Variants in PCSK6 observed in about 807,000 individuals in gnomAD.
The protein encoded by PCSK6 is paired basic amino acid cleaving enzyme 4.
In PCSK6, 85 loss-of-function variants were observed where a neutral mutation model predicts 123.3. The observed-to-expected ratio is 0.69, with a 90% CI of 0.58 to 0.83. The LOEUF is 0.83. PCSK6 is among the 40% of genes least tolerant of loss of function. The pLI is 0.00. For synonymous variants in PCSK6, 508 were observed against 516.0 expected, an observed-to-expected ratio of 0.98 and a Z score of 0.21; for missense variants, 1,191 against 1,282.3, an observed-to-expected ratio of 0.93 and a Z score of 1.09.
intron 10 of PCSK6, among the ~76,000 whole-genome samples, 163 bp from the exon 11 acceptor site, chr15:101,382,372 C>T (rs1227181420): frequency 6.6e-6 from 1 of 152,192 alleles, no homozygotes; most frequent in Non-Finnish European, 1.5e-5. Context: ...GAGGGCTGCT[C>T]AAAGGTCCCA....
intron 13 of PCSK6, among the ~76,000 whole-genome samples, chr15:101,342,671 G>A (rs1289396317): frequency 6.6e-6 from 1 of 152,206 alleles, no homozygotes; most frequent in Admixed American, 6.5e-5. Context: ...GGAGGCTGAG[G>A]CGGGTGGATC....
In PCSK6 at chr15:101,350,777, G is replaced by A. The variant is rs112798213; in HGVS notation, c.1858+15419C>T. Among the ~76,000 whole-genome samples, 26 of 152,222 alleles carry A rather than the reference G, an allele frequency of 1.7e-4. No homozygotes were observed. In the East Asian group the frequency reaches 2.1e-3, roughly 12 times the overall value. ...TGAGCCTTGGTCCTGCAATGAATAC[G>A]CTCCCCTTAAAGTGTGCTTGTCCCA... is the stretch of plus-strand genomic sequence containing the variant. On this transcript the variant is annotated intron_variant, in intron 13 of 21. Coordinates refer to ENST00000611716, the MANE Select transcript of PCSK6 (RefSeq NM_002570.5).
At chr15:101,346,266 G>C (rs1271830682) in intron 13 of PCSK6, 1 of 152,156 alleles carries the variant, frequency 6.6e-6, no homozygotes, top group Non-Finnish European at 1.5e-5. Flanking sequence ...TAAGCTGTCC[G>C]CTCATAATAG....
chr15:101,431,218 G>A, intron 4 of PCSK6, 102 bp downstream of exon 4: 2 of 1,205,526 alleles, frequency 1.7e-6, no homozygotes, highest in South Asian at 1.4e-5. Flanking sequence ...TAACTTAATG[G>A]GGGCTGGGGG....
rs1376363621 is a variant in PCSK6 at position 101,403,283 on chromosome 15, A to T, written c.824-4707T>A. Among the ~76,000 whole-genome samples, 285 of 63,264 alleles carry T rather than the reference A, an allele frequency of 4.5e-3. 2 individuals carry two copies. Among genetic ancestry groups the T allele is most frequent in the African/African-American group, 0.018 (269 of 15,020 alleles). 41.5% of individuals were successfully genotyped at this position (63,264 alleles called of 152,430 possible). A position where few individuals can be genotyped will look rare whatever the true frequency, so the allele number is the denominator to read the frequency against. On this transcript the variant is annotated intron_variant, in intron 6 of 21. Transcript: ENST00000611716. Reference sequence around the variant, plus strand: ...CTGGGGACTGTTGTGGGGTGGGGGGAGGGGGGAGGGATAGCATTAGGAGAT... The same window carrying T: ...CTGGGGACTGTTGTGGGGTGGGGGGTGGGGGGAGGGATAGCATTAGGAGAT...
chr15:101,387,122 G>A (rs757066346), intron 9 of PCSK6, among the ~76,000 whole-genome samples: 4 of 152,268 alleles, frequency 2.6e-5, no homozygotes, highest in Non-Finnish European at 5.9e-5. Flanking sequence ...CTCCCCGTCC[G>A]TGTCCAGTGG....
intron 21 of PCSK6, among the ~76,000 whole-genome samples, chr15:101,306,448 A>T (rs1253004187): frequency 6.6e-6 from 1 of 152,006 alleles, no homozygotes; most frequent in Non-Finnish European, 1.5e-5. Context: ...CCAGCTTCAT[A>T]CCCAAGGACC....
intron 4 of PCSK6, 120 bp from the exon 5 acceptor site, chr15:101,430,183 C>T: frequency 1.4e-6 from 1 of 726,912 alleles, no homozygotes; most frequent in Non-Finnish European, 2.5e-6. Flanking sequence ...CTTACTATAG[C>T]TATAATCTCA....
rs11857154 is a variant in PCSK6, at chr15:101,345,762, G to A, written c.1859-13731C>T. ...GGCTCACTGCAACCTCCGCCTCCCGGGTTCAAGTGATTCTCCTGCCTCAGC... is the reference window on the plus strand; with the variant it reads ...GGCTCACTGCAACCTCCGCCTCCCGAGTTCAAGTGATTCTCCTGCCTCAGC... On this transcript the variant is annotated intron_variant, in intron 13 of 21. Transcript: ENST00000611716. Among the ~76,000 whole-genome samples, 1,365 of 152,286 alleles carry A rather than the reference G, an allele frequency of 9.0e-3. 17 individuals are homozygous for A. The highest frequency in any genetic ancestry group is 0.031 in the African/African-American group (1,296 of 41,566).
intron 12 of PCSK6, among the ~76,000 whole-genome samples, chr15:101,369,395 A>G (rs1329033255): frequency 6.6e-6 from 1 of 152,202 alleles, no homozygotes. Context: ...CCTATAGCCT[A>G]CACAAGGGCC....
intron 13 of PCSK6, among the ~76,000 whole-genome samples, chr15:101,352,137 A>AAT (rs2040907151): frequency 1.0e-5 from 1 of 97,012 alleles, no homozygotes; most frequent in African/African-American, 4.4e-5. Flanking sequence ...TATTTTTCTA[A>AAT]TTTTTTTTTT....
chr15:101,352,850 T>A (rs1249814740), intron 13 of PCSK6, among the ~76,000 whole-genome samples: 1 of 152,228 alleles, frequency 6.6e-6, no homozygotes, highest in Non-Finnish European at 1.5e-5. Context: ...GATATCTCAG[T>A]GATACTGAAT....
At chr15:101,367,453 A>T (rs2041433858) in intron 12 of PCSK6, among the ~76,000 whole-genome samples, 1 of 152,358 alleles carries the variant, frequency 6.6e-6, no homozygotes, top group African/African-American at 2.4e-5. Flanking sequence ...TCAATGTAGG[A>T]AAATGTTTAT....
intron 1 of PCSK6, among the ~76,000 whole-genome samples, chr15:101,466,505 T>C (rs917808177): frequency 6.6e-6 from 1 of 152,138 alleles, no homozygotes; most frequent in African/African-American, 2.4e-5. Context: ...ATAAGCTCCC[T>C]AGAAAGGTAA....
chr15:101,305,349 T>C lies in PCSK6; in HGVS notation c.2819A>G (p.Glu940Gly), dbSNP rs375886040. The C allele has an allele frequency of 2.7e-4, 430 of 1,611,834 alleles. No individual in the cohort carries two copies. The highest frequency in any genetic ancestry group is 3.6e-4 in the Non-Finnish European group (422 of 1,179,676). Reference protein sequence around the residue: ...ITNHTCSNADETFCEMVKSNR... With the variant: ...ITNHTCSNADGTFCEMVKSNR... ...GGACTTCACCATCTCGCAGAATGTC[T>C]CGTCAGCTGGGGCCCCGCATCAGGA... The change falls in exon 22 of 22, where the codon GAG becomes GGG. Residue 940 changes from glutamate (E) to glycine (G), a missense_variant. Coordinates refer to ENST00000611716, the MANE Select transcript of PCSK6 (RefSeq NM_002570.5). The surrounding 1 kb of genome is among the most constrained non-coding windows in gnomAD (Gnocchi z 4.8).
rs79661035 is a variant in PCSK6 at position 101,451,682 on chromosome 15, G to A, written c.298-8022C>T. On this transcript the variant is annotated intron_variant, in intron 1 of 21. Transcript: ENST00000611716. Reference sequence around the variant, plus strand: ...GAGCCGCTTGTCTGTCTTCAGGGCCGGCATCTGCCGAGGGCCTTGGCTTTC... The same window carrying A: ...GAGCCGCTTGTCTGTCTTCAGGGCCAGCATCTGCCGAGGGCCTTGGCTTTC... 4.9e-4 allele frequency among the ~76,000 whole-genome samples: 74 copies of A among 152,356 alleles called. 1 individual carries two copies. In the East Asian group the frequency reaches 0.013, roughly 27 times the overall value.
chr15:101,347,568 C>A (rs2040767678), intron 13 of PCSK6: 2 of 1,431,452 alleles, frequency 1.4e-6, no homozygotes, highest in Non-Finnish European at 1.8e-6. Context: ...CACACGCATT[C>A]ATGCAGTCAA....
At chr15:101,365,285 T>C (rs2041354423) in intron 13 of PCSK6, among the ~76,000 whole-genome samples, 1 of 152,142 alleles carries the variant, frequency 6.6e-6, no homozygotes, top group Non-Finnish European at 1.5e-5. Context: ...AAAAAATAAA[T>C]TGAATTTCAT....
At chr15:101,412,876 C>A (rs12917574) in intron 6 of PCSK6, among the ~76,000 whole-genome samples, 47,210 of 150,986 alleles carry the variant, frequency 0.31, 8,052 homozygotes, top group African/African-American at 0.46. Flanking sequence ...TAATCCCAGC[C>A]CTTTGGGAGG....
Sources: allele counts gnomAD v4.1 joint callset (sites outside exome capture counted in the v4.1 genomes callset), GRCh38; gene constraint gnomAD v4.1.1; non-coding constraint Gnocchi (gnomAD v3.1); transcripts MANE v1.5; gene names NCBI Gene and HGNC (gene_info 2026-07-23, HGNC 2026-07-21).